NRG2: variants seen among roughly 807,000 people sequenced by gnomAD.
NRG2 encodes the protein neuregulin 2.
In NRG2, 27 loss-of-function variants were observed where a neutral mutation model predicts 73.9. The ratio of observed to expected loss-of-function variants is 0.37; its 90% CI spans 0.27 to 0.50. NRG2 has a LOEUF of 0.50. Ranked by LOEUF, NRG2 falls within the 20% of genes least tolerant of loss-of-function variation. The pLI is 0.96. For missense variants in NRG2, 1,126 were observed against 1,210.1 expected (o/e 0.93, Z 1.03); for synonymous variants, 532 against 541.0 (o/e 0.98, Z 0.23).
chr5:140,013,404 A>G (rs1759523432), intron 1 of NRG2, among the ~76,000 whole-genome samples: 1 of 152,240 alleles, frequency 6.6e-6, no homozygotes, highest in Non-Finnish European at 1.5e-5. Context: ...AAAAATAATA[A>G]CAGAGTTTCA....
At chr5:140,004,967 A>G (rs1315670598) in intron 1 of NRG2, among the ~76,000 whole-genome samples, 4 of 152,232 alleles carry the variant, frequency 2.6e-5, no homozygotes, top group African/African-American at 9.6e-5. Flanking sequence ...TAATTCCAAA[A>G]AATGTTTAAA....
chr5:140,023,001 C>T (rs1200765096), intron 1 of NRG2, among the ~76,000 whole-genome samples: 1 of 152,186 alleles, frequency 6.6e-6, no homozygotes, highest in African/African-American at 2.4e-5. Flanking sequence ...GCCTAGTTTA[C>T]CTGCCTCTTC....
chr5:139,898,515 G>A (rs1764689933), intron 1 of NRG2, among the ~76,000 whole-genome samples: 1 of 152,170 alleles, frequency 6.6e-6, no homozygotes. Context: ...GTCACAGCCC[G>A]TTTGCCAGGT....
At chr5:139,884,976 G>C (rs564738988) in intron 2 of NRG2, among the ~76,000 whole-genome samples, 3 of 152,144 alleles carry the variant, frequency 2.0e-5, no homozygotes, top group Non-Finnish European at 2.9e-5. Flanking sequence ...AGAGAGTCTG[G>C]TTGAGCCACA....
chr5:139,918,169 T>A (rs1344825128), intron 1 of NRG2, among the ~76,000 whole-genome samples: 1 of 152,228 alleles, frequency 6.6e-6, no homozygotes, highest in African/African-American at 2.4e-5. Flanking sequence ...TTCCTCCTAG[T>A]AATTCTTATG....
intron 9 of NRG2, among the ~76,000 whole-genome samples, chr5:139,850,680 G>A (rs1761360606): frequency 6.6e-6 from 1 of 152,260 alleles, no homozygotes; most frequent in Non-Finnish European, 1.5e-5. Flanking sequence ...GGCTGAGCAA[G>A]GTGGCAGGGG....
chr5:139,870,177 G>C lies in NRG2; in HGVS notation c.1112+1544C>G, dbSNP rs1762747759. Among the ~76,000 whole-genome samples, 1 of 152,174 alleles carries C rather than the reference G, an allele frequency of 6.6e-6. No homozygotes were observed. Among genetic ancestry groups the C allele is most frequent in the African/African-American group, 2.4e-5 (1 of 41,420 alleles). ...ATCTGTTCCAAAGAACTCTGAGCAA[G>C]TTTCACAGCTAGAATGTTCCCTAGG... On this transcript the variant is annotated intron_variant, in intron 4 of 9. Transcript: ENST00000361474. This position sits in a 1 kb window ranked among gnomAD's most constrained non-coding sequence, Gnocchi z 4.4.
chr5:140,038,676 T>C (rs1247388736), intron 1 of NRG2, among the ~76,000 whole-genome samples: 3 of 152,178 alleles, frequency 2.0e-5, no homozygotes, highest in Non-Finnish European at 2.9e-5. Flanking sequence ...CCAGGCAAAG[T>C]ACGAAACGCG....
At chr5:139,881,107 TC>T (rs1763503330) in intron 2 of NRG2, 133 bp from the exon 3 acceptor site, 1 of 683,502 alleles carries the variant, frequency 1.5e-6, no homozygotes, top group Non-Finnish European at 2.6e-6. Context: ...GGAGATTCCC[TC>T]CCCCCAGCAA....
chr5:139,966,020 G>C (rs1019648420), intron 1 of NRG2, among the ~76,000 whole-genome samples: 1 of 151,876 alleles, frequency 6.6e-6, no homozygotes, highest in African/African-American at 2.4e-5. Flanking sequence ...TCCTCCACTA[G>C]GCTATAAGCC....
intron 1 of NRG2, among the ~76,000 whole-genome samples, chr5:139,970,777 C>A (rs1188634592): frequency 6.6e-6 from 1 of 152,122 alleles, no homozygotes; most frequent in Non-Finnish European, 1.5e-5. Context: ...TGGGATATAA[C>A]CCCAAGTGCT....
At chr5:140,006,593 T>C (rs972653856) in intron 1 of NRG2, among the ~76,000 whole-genome samples, 1 of 152,222 alleles carries the variant, frequency 6.6e-6, no homozygotes, top group Non-Finnish European at 1.5e-5. Context: ...CATAAGATTG[T>C]CTAATATGCA....
rs537243459 is a variant in NRG2 at position 140,015,978 on chromosome 5, G to T, written c.700+26392C>A. ...CAAGGCGCCACATCTCAATAGGTAT[G>T]GCTGGCATTGGCTCAGACACCTTTG... is the stretch of plus-strand genomic sequence containing the variant. On this transcript the variant is annotated intron_variant, in intron 1 of 9. Coordinates refer to ENST00000361474, the MANE Select transcript of NRG2 (RefSeq NM_004883.3). 1.4e-4 allele frequency among the ~76,000 whole-genome samples: 21 copies of T among 152,282 alleles called. 1 individual carries two copies. The South Asian group carries it at 3.9e-3, about 29-fold the overall frequency.
chr5:139,850,587 C>T (rs1761355647), intron 9 of NRG2, among the ~76,000 whole-genome samples: 1 of 152,268 alleles, frequency 6.6e-6, no homozygotes, highest in Admixed American at 6.5e-5. Flanking sequence ...GCTCCTCTCC[C>T]TGCTCCCTGG....
At chr5:139,848,770 G>GCC in intron 9 of NRG2, 73 bp from the exon 10 acceptor site, 44 of 159,392 alleles carry the variant, frequency 2.8e-4, no homozygotes, top group East Asian at 1.2e-3. Flanking sequence ...TGGGGGTGGG[G>GCC]TAGGGTGGGA....
intron 1 of NRG2, among the ~76,000 whole-genome samples, chr5:139,945,218 A>G (rs1753718927): frequency 6.6e-6 from 1 of 151,884 alleles, no homozygotes; most frequent in African/African-American, 2.4e-5. Flanking sequence ...TTTTCACTCT[A>G]TTGATTGTTT....
intron 1 of NRG2, among the ~76,000 whole-genome samples, chr5:140,010,867 TA>T (rs1281123860): frequency 6.6e-6 from 1 of 152,220 alleles, no homozygotes; most frequent in Non-Finnish European, 1.5e-5. Context: ...ACAGGCTCTC[TA>T]AGACTTGTTA....
intron 5 of NRG2, chr5:139,859,867 G>A: frequency 6.2e-7 from 1 of 1,611,700 alleles, no homozygotes; most frequent in Non-Finnish European, 8.5e-7. Context: ...ATGGTGCTGA[G>A]TGACACACAG....
chr5:139,957,567 G>A (rs1376317765), intron 1 of NRG2, among the ~76,000 whole-genome samples: 1 of 152,142 alleles, frequency 6.6e-6, no homozygotes, highest in African/African-American at 2.4e-5. Context: ...TTTCCACACT[G>A]CCACCTCTTC....
Sources: gnomAD v4.1 joint callset for allele counts (sites outside exome capture counted in the v4.1 genomes callset) on GRCh38, gnomAD v4.1.1 for gene constraint, Gnocchi (gnomAD v3.1) non-coding constraint, MANE v1.5 for transcripts, NCBI Gene and HGNC (gene_info 2026-07-23, HGNC 2026-07-21) for gene names.